Variants in KIAA0319 observed in about 807,000 individuals in gnomAD.
KIAA0319 encodes KIAA0319, also known as dyslexia-associated protein KIAA0319.
A neutral mutation model predicts 108.4 loss-of-function variants in KIAA0319; 83 were observed. That is an observed-to-expected ratio of 0.77 (90% CI 0.64 to 0.92). The LOEUF (loss-of-function observed/expected upper bound fraction) is 0.92, where lower values mean the gene tolerates loss of function less well. KIAA0319 is among the 40% of genes least tolerant of loss of function. The pLI is 0.00. For missense variants in KIAA0319, 1,195 were observed against 1,322.4 expected, an observed-to-expected ratio of 0.90 and a Z score of 1.49; for synonymous variants, 484 against 510.4, an observed-to-expected ratio of 0.95 and a Z score of 0.70.
chr6:24,564,588 T>A (rs1400777911), intron 14 of KIAA0319, among the ~76,000 whole-genome samples: 3 of 152,158 alleles, frequency 2.0e-5, no homozygotes, highest in Non-Finnish European at 4.4e-5. Context: ...TACCAAGCAC[T>A]TTCCAGGAAT....
chr6:24,591,768 G>A (rs1768510564), intron 3 of KIAA0319, among the ~76,000 whole-genome samples: 1 of 152,070 alleles, frequency 6.6e-6, no homozygotes, highest in Non-Finnish European at 1.5e-5. Context: ...TTGTGGTTTT[G>A]ACTTGCATTT....
At chr6:24,565,646 G>A (rs1053640100) in intron 14 of KIAA0319, among the ~76,000 whole-genome samples, 5 of 151,678 alleles carry the variant, frequency 3.3e-5, no homozygotes, top group Non-Finnish European at 5.9e-5. Context: ...CCAGCTACGC[G>A]GGAGGCTGAG....
At chr6:24,557,411 G>A (rs888925051) in intron 17 of KIAA0319, among the ~76,000 whole-genome samples, 1 of 152,134 alleles carries the variant, frequency 6.6e-6, no homozygotes, top group Non-Finnish European at 1.5e-5. Context: ...GCTGAGGCAC[G>A]AGAATCACTT....
At chr6:24,633,747 T>C (rs1298906217) in intron 1 of KIAA0319, among the ~76,000 whole-genome samples, 3 of 152,174 alleles carry the variant, frequency 2.0e-5, no homozygotes, top group South Asian at 4.1e-4. Flanking sequence ...TAATACTTAT[T>C]AGAACAAAAA....
At chr6:24,628,753 C>T (rs981244753) in intron 1 of KIAA0319, among the ~76,000 whole-genome samples, 3 of 152,100 alleles carry the variant, frequency 2.0e-5, no homozygotes, top group Non-Finnish European at 4.4e-5. Flanking sequence ...TGATGGTGGC[C>T]GTCAATCCTC....
At chr6:24,630,482 C>G (rs187810798) in intron 1 of KIAA0319, among the ~76,000 whole-genome samples, 2 of 133,578 alleles carry the variant, frequency 1.5e-5, no homozygotes, top group African/African-American at 5.6e-5. Context: ...GTACTCCAGT[C>G]TGGGTGACAG....
At chr6:24,540,150 TAGA>T (rs1561884470), downstream of KIAA0319, among the ~76,000 whole-genome samples, 2 of 152,112 alleles carry the variant, frequency 1.3e-5, no homozygotes, top group Non-Finnish European at 1.5e-5. Context: ...TTTTAATAAG[TAGA>T]AGGAGTACAC....
At chr6:24,567,007 T>C (rs867660641) in intron 13 of KIAA0319, among the ~76,000 whole-genome samples, 11 of 152,208 alleles carry the variant, frequency 7.2e-5, no homozygotes, top group African/African-American at 2.2e-4. Context: ...ATTTTTCTAA[T>C]ATTGTTATAC....
At chr6:24,577,430 C>T (rs920930390) in intron 9 of KIAA0319, among the ~76,000 whole-genome samples, 1 of 152,174 alleles carries the variant, frequency 6.6e-6, no homozygotes, top group Non-Finnish European at 1.5e-5. Context: ...AATGCTCAAC[C>T]TCTGCAAACA....
intron 1 of KIAA0319, among the ~76,000 whole-genome samples, chr6:24,642,254 GAA>G (rs1373953369): frequency 6.6e-6 from 1 of 151,278 alleles, no homozygotes; most frequent in African/African-American, 2.4e-5. Context: ...AGAAAAGAAA[GAA>G]AGGGAAGGAA....
In KIAA0319 at chr6:24,599,841, C is replaced by T; in HGVS notation, c.55+1208G>A. On this transcript the variant is annotated intron_variant, in intron 2 of 20. Coordinates refer to ENST00000378214, the MANE Select transcript of KIAA0319 (RefSeq NM_014809.4). This position sits in a 1 kb window ranked among gnomAD's most constrained non-coding sequence, Gnocchi z 4.1. ...ACCCCCTCCTGTGACTGCCCCAGAG[C>T]CTGTGGGGGAGGCCACTGTGCAGGG... 2.3e-6 allele frequency: 1 copy of T among 438,724 alleles called. No individual in the cohort carries two copies. The highest frequency in any genetic ancestry group is 2.0e-5 in the South Asian group (1 of 50,624). 27.2% of individuals were successfully genotyped at this position (438,724 alleles called of 1,614,324 possible).
At chr6:24,635,790 T>C (rs1004366986) in intron 1 of KIAA0319, among the ~76,000 whole-genome samples, 1 of 152,168 alleles carries the variant, frequency 6.6e-6, no homozygotes, top group Non-Finnish European at 1.5e-5. Flanking sequence ...TGCTTTCAAC[T>C]GAAAACTTGA....
At chr6:24,542,334 A>G (rs1032040722), downstream of KIAA0319, among the ~76,000 whole-genome samples, 1 of 152,230 alleles carries the variant, frequency 6.6e-6, no homozygotes, top group Non-Finnish European at 1.5e-5. Flanking sequence ...TCATACTTCA[A>G]CAAGCATTTA....
At chr6:24,569,881 G>C (rs1424425882) in intron 12 of KIAA0319, 22 bp downstream of exon 12, 3 of 1,613,194 alleles carry the variant, frequency 1.9e-6, no homozygotes, top group Non-Finnish European at 8.5e-7. Flanking sequence ...CATGAACCTA[G>C]CTCAGTGGCG....
At chr6:24,563,647 G>T in intron 15 of KIAA0319, 129 bp from the exon 16 acceptor site, 1 of 785,298 alleles carries the variant, frequency 1.3e-6, no homozygotes, top group Non-Finnish European at 1.9e-6. Flanking sequence ...GTAGCACTCA[G>T]GTAAATTCTT....
intron 1 of KIAA0319, among the ~76,000 whole-genome samples, chr6:24,604,444 C>A (rs890534537): frequency 3.3e-5 from 5 of 152,182 alleles, no homozygotes; most frequent in Admixed American, 1.3e-4. Flanking sequence ...TGGGCCTCCA[C>A]CATACCATAT....
At position 24,596,610 on chromosome 6, in the gene KIAA0319, G is replaced by T; in HGVS notation, c.64C>A (p.Arg22Ser). The stretch of plus-strand genomic sequence containing the variant: ...GTCCTCCCCTCGCTGCACTGCTTAC[G>T]GGCACAACCTTTAAACAAAGTAGTT... ...LLLVTIAGCA[R>S]KQCSEGRTYS... The change falls in exon 3 of 21, where the codon CGT (arginine) becomes AGT (serine). Residue 22 changes from arginine to serine, a missense_variant. Transcript: ENST00000378214. 2.5e-6 allele frequency: 4 copies of T among 1,602,492 alleles called. No homozygotes were observed. The highest frequency in any genetic ancestry group is 3.3e-4 in the Middle Eastern group (2 of 5,976).
chr6:24,598,112 G>C (rs1236940764), intron 2 of KIAA0319: 1 of 437,892 alleles, frequency 2.3e-6, no homozygotes, highest in East Asian at 5.6e-5. Flanking sequence ...GCCAGCATCA[G>C]CTCCTTGAGC....
chr6:24,596,021 A>C lies in KIAA0319; in HGVS notation c.653T>G (p.Leu218Arg). ...ETQQDPELHY[L>R]NESASTPAPK... ...GGCAGGGGTTGAAGCCGACTCATTCAGGTAATGGAGCTCAGGGTCCTGCTG... is the reference window on the plus strand; with the variant it reads ...GGCAGGGGTTGAAGCCGACTCATTCCGGTAATGGAGCTCAGGGTCCTGCTG... The change falls in exon 3 of 21, where the codon CTG becomes CGG. Residue 218 changes from leucine (L) to arginine (R), a missense_variant. Leu to Arg is a moderately radical substitution (Grantham distance 102). Coordinates refer to ENST00000378214, the MANE Select transcript of KIAA0319 (RefSeq NM_014809.4). 1 of 1,614,150 alleles carries C rather than the reference A, an allele frequency of 6.2e-7. No homozygotes were observed.
Sources: allele counts gnomAD v4.1 joint callset (sites outside exome capture counted in the v4.1 genomes callset), GRCh38; gene constraint gnomAD v4.1.1; non-coding constraint Gnocchi (gnomAD v3.1); transcripts MANE v1.5; gene names NCBI Gene and HGNC (gene_info 2026-07-23, HGNC 2026-07-21).